The following CFAP100 variants were observed in gnomAD, a reference collection of about 807,000 sequenced individuals.
CFAP100 encodes the protein cilia and flagella associated protein 100.
CFAP100 carries 70 observed loss-of-function variants against 81.5 expected under a neutral mutation model. The ratio of observed to expected loss-of-function variants is 0.86; its 90% CI spans 0.71 to 1.05. CFAP100 has a LOEUF of 1.05. Among genes scored for constraint, CFAP100 ranks in the 50% least tolerant of loss-of-function variants. The probability of loss-of-function intolerance (pLI) is 0.00; values close to 1 mark genes in which losing one functional copy is unlikely to be tolerated. For synonymous variants in CFAP100, 341 were observed against 314.8 expected, an observed-to-expected ratio of 1.08 and a Z score of -0.88; for missense variants, 811 against 776.5, an observed-to-expected ratio of 1.04 and a Z score of -0.53.
chr3:126,435,528 C>G (rs1177367281), intron 15 of CFAP100, 31 bp from the exon 16 acceptor site: 1 of 1,590,054 alleles, frequency 6.3e-7, no homozygotes, highest in Admixed American at 1.7e-5. Context: ...CCAGGTCCCC[C>G]CAGTTTTCAA....
chr3:126,433,839 G>A (rs1306796826), intron 14 of CFAP100: 3 of 258,410 alleles, frequency 1.2e-5, no homozygotes, highest in Non-Finnish European at 2.2e-5. Flanking sequence ...TGTTTTCTAA[G>A]TGTCAGAACA....
chr3:126,433,459 T>C (rs1010552202), intron 14 of CFAP100: 4 of 469,662 alleles, frequency 8.5e-6, no homozygotes, highest in African/African-American at 2.0e-5. Flanking sequence ...TAAACACATA[T>C]ATTGTGTCTG....
chr3:126,406,347 T>G (rs2083063605), intron 2 of CFAP100, among the ~76,000 whole-genome samples: 1 of 152,152 alleles, frequency 6.6e-6, no homozygotes, highest in African/African-American at 2.4e-5. Context: ...TCCCGCTCAG[T>G]GTTTCACTCC....
chr3:126,435,927 G>A (rs951877927), intron 16 of CFAP100, among the ~76,000 whole-genome samples: 2 of 152,130 alleles, frequency 1.3e-5, no homozygotes, highest in Non-Finnish European at 2.9e-5. Context: ...CAGGAGCAGG[G>A]TCCCACCACC....
chr3:126,428,272 C>A (rs1933039326), intron 13 of CFAP100, among the ~76,000 whole-genome samples: 1 of 152,224 alleles, frequency 6.6e-6, no homozygotes. Context: ...AGGCTATACC[C>A]TGTATGATTC....
rs534260063 is a variant in CFAP100 at position 126,418,956 on chromosome 3, C to G, written c.651-120C>G. ...GCAAAAGGCTTAACTGTGTGGCTCT[C>G]CAGCCCTGTCCGGAGCCGGGCCCAG... On this transcript the variant is annotated intron_variant, in intron 7 of 16. Transcript: ENST00000352312. 8 of 982,700 alleles carry G rather than the reference C, an allele frequency of 8.1e-6. No individual in the cohort carries two copies. In the East Asian group the frequency reaches 2.1e-4, roughly 26 times the overall value. The allele number at this position is 982,700 out of a possible 1,614,324, so 60.9% of individuals were successfully genotyped here.
At chr3:126,423,152 T>C (rs1403355542) in intron 11 of CFAP100, among the ~76,000 whole-genome samples, 173 bp from the exon 12 acceptor site, 2 of 152,066 alleles carry the variant, frequency 1.3e-5, no homozygotes, top group Non-Finnish European at 2.9e-5. Flanking sequence ...CTGGCTGCAG[T>C]GTGGCAGCTG....
In CFAP100 at chr3:126,418,813, G is replaced by A. The variant is rs1363103789; in HGVS notation, c.650+39G>A. ...CCCGAGGGGCTGGCTGGGCAATGCC[G>A]AACCCCCACTGTCCCTGAGCCTGTG... On this transcript the variant is annotated intron_variant, in intron 7 of 16. Transcript: ENST00000352312. The A allele has an allele frequency of 2.9e-5, 44 of 1,535,526 alleles. 1 individual carries two copies. Among genetic ancestry groups the A allele is most frequent in the South Asian group, 3.7e-5 (3 of 81,180 alleles).
intron 3 of CFAP100, among the ~76,000 whole-genome samples, chr3:126,411,361 GTTTTTTTTTTTTTT>G (rs58954079): frequency 5.7e-5 from 2 of 35,368 alleles, no homozygotes; most frequent in Admixed American, 1.1e-3. Context: ...GTTGTTGTTG[GTTTTTTTTTTTTTT>G]TTTTTTTTTT....
At chr3:126,413,395 G>C (rs2083187550) in intron 3 of CFAP100, among the ~76,000 whole-genome samples, 1 of 152,206 alleles carries the variant, frequency 6.6e-6, no homozygotes. Context: ...AACATTTCTG[G>C]GGGGTTGGGG....
Position 126,395,974 on chromosome 3 carries a change from G to A in CFAP100, c.-27G>A. The A allele has an allele frequency of 6.2e-7, 1 of 1,604,506 alleles. No homozygotes were observed. The highest frequency in any genetic ancestry group is 8.5e-7 in the Non-Finnish European group (1 of 1,171,354). On this transcript the variant is annotated 5_prime_UTR_variant, in exon 2 of 17. Transcript: ENST00000352312. ...TCTCCTTTAGAAGAGGAGAAGCCTT[G>A]CATCAACCTCTTGGGCCTCAGCCAA...
chr3:126,395,924 C>A lies in CFAP100; in HGVS notation c.-59-18C>A. The A allele has an allele frequency of 1.6e-6, 2 of 1,284,562 alleles. No homozygotes were observed. Among genetic ancestry groups the A allele is most frequent in the African/African-American group, 1.5e-5 (1 of 68,616 alleles). 79.6% of individuals were successfully genotyped at this position (1,284,562 alleles called of 1,614,324 possible). A position where few individuals can be genotyped will look rare whatever the true frequency, so the allele number is the denominator to read the frequency against. ...GGGCTTGGGGACCACCAGGCTCAAG[C>A]ACTGTGTCACTCCTCAGGTGAGGAT... On this transcript the variant is annotated intron_variant, in intron 1 of 16. Coordinates refer to ENST00000352312, the MANE Select transcript of CFAP100 (RefSeq NM_182628.3).
chr3:126,433,388 T>C, intron 14 of CFAP100, 184 bp downstream of exon 14: 1 of 647,568 alleles, frequency 1.5e-6, no homozygotes, highest in Non-Finnish European at 2.7e-6. Context: ...CCAGCCAGCT[T>C]GGTTGCCCCC....
At chr3:126,406,358 G>A (rs1289470431) in intron 2 of CFAP100, among the ~76,000 whole-genome samples, 4 of 152,104 alleles carry the variant, frequency 2.6e-5, no homozygotes, top group South Asian at 2.1e-4. Flanking sequence ...GTTTCACTCC[G>A]GGACCACACA....
chr3:126,433,488 G>C (rs974642379), intron 14 of CFAP100: 20 of 376,110 alleles, frequency 5.3e-5, no homozygotes, highest in Middle Eastern at 1.4e-3. Context: ...ATCCTGAAGG[G>C]GGGGAAGAGG....
chr3:126,397,872 C>G (rs1361988344), intron 2 of CFAP100, among the ~76,000 whole-genome samples: 1 of 152,230 alleles, frequency 6.6e-6, no homozygotes, highest in Non-Finnish European at 1.5e-5. Flanking sequence ...TAGGACCCCC[C>G]CTCAACCAGA....
rs1380517030 is a variant in CFAP100 at position 126,395,983 on chromosome 3, T to G, written c.-18T>G. The G allele has an allele frequency of 1.3e-5, 21 of 1,611,158 alleles. No individual in the cohort carries two copies. Among genetic ancestry groups the G allele is most frequent in the Non-Finnish European group, 1.8e-5 (21 of 1,177,440 alleles). ...GAAGAGGAGAAGCCTTGCATCAACC[T>G]CTTGGGCCTCAGCCAAGATGTCTGA... On this transcript the variant is annotated 5_prime_UTR_variant, in exon 2 of 17. Transcript: ENST00000352312.
intron 3 of CFAP100, among the ~76,000 whole-genome samples, chr3:126,411,115 G>C (rs1051107956): frequency 1.3e-5 from 2 of 152,162 alleles, no homozygotes; most frequent in African/African-American, 2.4e-5. Context: ...GAATATTGTC[G>C]AATGCTTTTT....
chr3:126,418,050 G>A (rs890338171), intron 5 of CFAP100: 2 of 196,912 alleles, frequency 1.0e-5, no homozygotes, highest in African/African-American at 4.7e-5. Context: ...GGGGGCTTAG[G>A]TGCCCCAAGT....
Sources: allele counts gnomAD v4.1 joint callset (sites outside exome capture counted in the v4.1 genomes callset), GRCh38; gene constraint gnomAD v4.1.1; transcripts MANE v1.5; gene names NCBI Gene and HGNC (gene_info 2026-07-23, HGNC 2026-07-21).